SIX4: variants seen among roughly 807,000 people sequenced by gnomAD.
SIX4 encodes homeobox protein SIX4.
A neutral mutation model predicts 51.5 loss-of-function variants in SIX4; 23 were observed. That is an observed-to-expected ratio of 0.45 (90% CI 0.32 to 0.63). The LOEUF is 0.63. SIX4 is among the 30% of genes least tolerant of loss of function. The probability of loss-of-function intolerance (pLI) is 0.04; values close to 1 mark genes in which losing one functional copy is unlikely to be tolerated. For synonymous variants in SIX4, 413 were observed against 417.3 expected (o/e 0.99, Z 0.13); for missense variants, 867 against 984.0 (o/e 0.88, Z 1.59).
chr14:60,723,478 G>A lies in SIX4; in HGVS notation c.597C>T (p.Gly199=). Residue 199 remains glycine, a synonymous_variant, in exon 1 of 3, where the codon GGC becomes GGT. Coordinates refer to ENST00000216513, the MANE Select transcript of SIX4 (RefSeq NM_017420.5). ...ARYTEAERAR[G]RPLGAVDKYR... The stretch of plus-strand genomic sequence containing the variant: ...ACTTGTCTACGGCTCCCAGCGGCCG[G>A]CCGCGGGCTCGCTCGGCCTCGGTGT... The A allele has an allele frequency of 6.2e-7, 1 of 1,607,024 alleles. No individual in the cohort carries two copies. Among genetic ancestry groups the A allele is most frequent in the South Asian group, 1.1e-5 (1 of 90,990 alleles).
Position 60,714,042 on chromosome 14 carries a change from C to T in SIX4, c.1711G>A (p.Gly571Ser). ...GQTIGSVKQE[G>S]LERSLVFSQL... ...GAAAATACCAGGCTCCTTTCCAAGC[C>T]TTCCTGTTTCACAGATCCTATAGTC... is the stretch of plus-strand genomic sequence containing the variant. Residue 571 changes from glycine (G) to serine (S), a missense_variant, in exon 3 of 3, where the codon GGC becomes AGC. By Grantham distance (56) the Gly-to-Ser change is moderately conservative. Coordinates refer to ENST00000216513, the MANE Select transcript of SIX4 (RefSeq NM_017420.5). 6.2e-7 allele frequency: 1 copy of T among 1,614,114 alleles called. No homozygotes were observed. Among genetic ancestry groups the T allele is most frequent in the Non-Finnish European group, 8.5e-7 (1 of 1,180,028 alleles).
At chr14:60,715,722 ACT>A (rs765129979) in intron 2 of SIX4, among the ~76,000 whole-genome samples, 31 of 151,564 alleles carry the variant, frequency 2.0e-4, no homozygotes, top group Non-Finnish European at 2.7e-4. Context: ...ATCAAATAAC[ACT>A]CTTTTGTTCC....
rs1422283986 is a variant in SIX4 at position 60,711,081 on chromosome 14, T to G, written c.*2326A>C. On this transcript the variant is annotated 3_prime_UTR_variant, in exon 3 of 3. Coordinates refer to ENST00000216513, the MANE Select transcript of SIX4 (RefSeq NM_017420.5). Reference sequence around the variant, plus strand: ...CTCTTGTTGGATGGGTATTTGAAAATAACAAACTCTTGATATCTGCAGCAA... The same window carrying G: ...CTCTTGTTGGATGGGTATTTGAAAAGAACAAACTCTTGATATCTGCAGCAA... The G allele has an allele frequency of 2.0e-5, 3 of 151,728 alleles. No homozygotes were observed. The highest frequency in any genetic ancestry group is 4.4e-5 in the Non-Finnish European group (3 of 67,880). 9.4% of individuals were successfully genotyped at this position (151,728 alleles called of 1,614,324 possible). A position where few individuals can be genotyped will look rare whatever the true frequency, so the allele number is the denominator to read the frequency against.
chr14:60,723,977 C>T lies in SIX4; in HGVS notation c.98G>A (p.Arg33Gln), dbSNP rs370632624. 28 of 1,512,628 alleles carry T rather than the reference C, an allele frequency of 1.9e-5. No individual in the cohort carries two copies. In the African/African-American group the frequency reaches 3.1e-4, roughly 17 times the overall value. 93.7% of individuals were successfully genotyped at this position (1,512,628 alleles called of 1,614,324 possible). A position where few individuals can be genotyped will look rare whatever the true frequency, so the allele number is the denominator to read the frequency against. ...TACCGCCGCGCCCCCCGCCACTTCT[C>T]GGTGCGCCTCCTGCCCTTCCGAGGC... Reference protein sequence around the residue: ...ESASEGQEAHREVAGGAAVGL... With the variant: ...ESASEGQEAHQEVAGGAAVGL... The change falls in exon 1 of 3, where the codon CGA becomes CAA. Residue 33 changes from arginine (R) to glutamine (Q), a missense_variant. Transcript: ENST00000216513.
At chr14:60,721,703 C>T (rs1419319934) in intron 1 of SIX4, among the ~76,000 whole-genome samples, 1 of 152,194 alleles carries the variant, frequency 6.6e-6, no homozygotes, top group African/African-American at 2.4e-5. Flanking sequence ...GCCCGGCTCG[C>T]GAGCGGAGGC....
intron 2 of SIX4, among the ~76,000 whole-genome samples, chr14:60,718,747 C>G (rs966169992): frequency 4.6e-5 from 7 of 152,130 alleles, no homozygotes; most frequent in Non-Finnish European, 8.8e-5. Flanking sequence ...AACAATTTTT[C>G]CATTAATTCC....
In SIX4 at chr14:60,711,011, T is replaced by TTTTATA. The variant is rs1555369321; in HGVS notation, c.*2395_*2396insTATAAA. 4 of 146,484 alleles carry TTTTATA rather than the reference T, an allele frequency of 2.7e-5. No individual in the cohort carries two copies. Among genetic ancestry groups the TTTTATA allele is most frequent in the Admixed American group, 1.4e-4 (2 of 14,604 alleles). The allele number at this position is 146,484 out of a possible 1,614,324, so 9.1% of individuals were successfully genotyped here. A position where few individuals can be genotyped will look rare whatever the true frequency, so the allele number is the denominator to read the frequency against. On this transcript the variant is annotated 3_prime_UTR_variant, in exon 3 of 3. Transcript: ENST00000216513. ...CGGAAAACATATAAAACATTTCCAGTTATATATATATATATAGCATATATA... is the reference window on the plus strand; with the variant it reads ...CGGAAAACATATAAAACATTTCCAGTTTTATATATATATATATATATAGCATATATA...
chr14:60,711,823 C>G lies in SIX4; in HGVS notation c.*1584G>C, dbSNP rs1895827254. 6.6e-6 allele frequency: 1 copy of G among 150,886 alleles called. No individual in the cohort carries two copies. 9.3% of individuals were successfully genotyped at this position (150,886 alleles called of 1,614,324 possible). On this transcript the variant is annotated 3_prime_UTR_variant, in exon 3 of 3. Coordinates refer to ENST00000216513, the MANE Select transcript of SIX4 (RefSeq NM_017420.5). ...AAGCAAGATGTGCTAACATCTAACACCTTTATGTTCAACAACTTGAAGTTA... is the reference window on the plus strand; with the variant it reads ...AAGCAAGATGTGCTAACATCTAACAGCTTTATGTTCAACAACTTGAAGTTA...
chr14:60,710,659 G>C lies in SIX4; in HGVS notation c.*2748C>G, dbSNP rs771613285. On this transcript the variant is annotated 3_prime_UTR_variant, in exon 3 of 3. Coordinates refer to ENST00000216513, the MANE Select transcript of SIX4 (RefSeq NM_017420.5). ...CATGACTCCAAGGGTTCTGAGTCTG[G>C]CCCTTGGTATGGCAAAAGACATTTG... The C allele has an allele frequency of 6.6e-6, 1 of 152,548 alleles. No individual in the cohort carries two copies. Among genetic ancestry groups the C allele is most frequent in the Non-Finnish European group, 1.5e-5 (1 of 68,032 alleles). The allele number at this position is 152,548 out of a possible 1,614,324, so 9.4% of individuals were successfully genotyped here.
Position 60,721,179 on chromosome 14 carries a change from G to A in SIX4, c.864-734C>T, listed in dbSNP as rs182769362. ...TGGGAGGGAAAGGGTGTCACTCAGA[G>A]GCCTTCTAACTATTAGACCTCTTCC... is the stretch of plus-strand genomic sequence containing the variant. On this transcript the variant is annotated intron_variant, in intron 1 of 2. Coordinates refer to ENST00000216513, the MANE Select transcript of SIX4 (RefSeq NM_017420.5). 4.9e-4 allele frequency: 483 copies of A among 985,104 alleles called. 3 individuals carry two copies. The highest frequency in any genetic ancestry group is 5.2e-4 in the Non-Finnish European group (432 of 829,692). The allele number at this position is 985,104 out of a possible 1,614,324, so 61.0% of individuals were successfully genotyped here. A position where few individuals can be genotyped will look rare whatever the true frequency, so the allele number is the denominator to read the frequency against.
chr14:60,713,810 G>A lies in SIX4; in HGVS notation c.1943C>T (p.Ala648Val). The A allele has an allele frequency of 6.2e-7, 1 of 1,614,146 alleles. No individual in the cohort carries two copies. The highest frequency in any genetic ancestry group is 1.1e-5 in the South Asian group (1 of 91,066). ...GACAGATGTCACAGTAGATTTGCTT[G>A]CCACCGGTGCAGACATTGGTTGGCT... ...ADSQPMSAPV[A>V]SKSTVTSVSN... The change falls in exon 3 of 3, where the codon GCA becomes GTA. Residue 648 changes from alanine (A) to valine (V), a missense_variant. By Grantham distance (64) the Ala-to-Val change is moderately conservative. Transcript: ENST00000216513.
In SIX4 at chr14:60,719,967, T is replaced by C. The variant is rs1355996270; in HGVS notation, c.1342A>G (p.Ile448Val). ...TCTCTTTTCACCTCAGTGCTGGGTA[T>C]CAGGCCTGGGAATGAGACAGGGACA... is the stretch of plus-strand genomic sequence containing the variant. ...PSVPVSFPGL[I>V]PSTEVKREGI... Residue 448 changes from isoleucine to valine, a missense_variant, in exon 2 of 3, where the codon ATA becomes GTA. Physicochemically the swap from Ile to Val is conservative, Grantham distance 29. Coordinates refer to ENST00000216513, the MANE Select transcript of SIX4 (RefSeq NM_017420.5). The surrounding 1 kb of genome is among the most constrained non-coding windows in gnomAD (Gnocchi z 4.9). 1.2e-6 allele frequency: 2 copies of C among 1,614,078 alleles called. No homozygotes were observed.
At position 60,713,329 on chromosome 14, in the gene SIX4, G is replaced by C. The variant is rs1017174891; in HGVS notation, c.*78C>G. 1 of 1,462,056 alleles carries C rather than the reference G, an allele frequency of 6.8e-7. No homozygotes were observed. Among genetic ancestry groups the C allele is most frequent in the African/African-American group, 1.4e-5 (1 of 70,610 alleles). The allele number at this position is 1,462,056 out of a possible 1,614,324, so 90.6% of individuals were successfully genotyped here. On this transcript the variant is annotated 3_prime_UTR_variant, in exon 3 of 3. Transcript: ENST00000216513. ...AAACTAGAGTGTTTTCCTTTAAATG[G>C]GAAAATGTTTTGTGTCCTTGGGGCT...
Position 60,722,369 on chromosome 14 carries a change from C to T in SIX4, c.863+843G>A, listed in dbSNP as rs1328180795. On this transcript the variant is annotated intron_variant, in intron 1 of 2. Coordinates refer to ENST00000216513, the MANE Select transcript of SIX4 (RefSeq NM_017420.5). This position sits in a 1 kb window ranked among gnomAD's most constrained non-coding sequence, Gnocchi z 5.9. ...GCGCCCCCACTCCTTTGCTGCCGCCCGCCGTAAGCCGGCCTGCCCCCCACC... is the reference window on the plus strand; with the variant it reads ...GCGCCCCCACTCCTTTGCTGCCGCCTGCCGTAAGCCGGCCTGCCCCCCACC... Among the ~76,000 whole-genome samples the T allele has an allele frequency of 6.6e-6, 1 of 152,094 alleles. No homozygotes were observed. Among genetic ancestry groups the T allele is most frequent in the Non-Finnish European group, 1.5e-5 (1 of 68,000 alleles).
In SIX4 at chr14:60,709,821, G is replaced by A. The variant is rs1387243542; in HGVS notation, c.*3586C>T. The A allele has an allele frequency of 1.3e-5, 2 of 152,548 alleles. No individual in the cohort carries two copies. Among genetic ancestry groups the A allele is most frequent in the Non-Finnish European group, 2.9e-5 (2 of 68,022 alleles). 9.4% of individuals were successfully genotyped at this position (152,548 alleles called of 1,614,324 possible). A position where few individuals can be genotyped will look rare whatever the true frequency, so the allele number is the denominator to read the frequency against. On this transcript the variant is annotated 3_prime_UTR_variant, in exon 3 of 3. Transcript: ENST00000216513. The surrounding 1 kb of genome is among the most constrained non-coding windows in gnomAD (Gnocchi z 4.1). ...GTAAGGCACAGTAAAACCATATTGAGTATATAATTGGTTGCCTCTAAACAT... is the reference window on the plus strand; with the variant it reads ...GTAAGGCACAGTAAAACCATATTGAATATATAATTGGTTGCCTCTAAACAT...
Position 60,723,396 on chromosome 14 carries a change from C to G in SIX4, c.679G>C (p.Val227Leu). The change falls in exon 1 of 3, where the codon GTG becomes CTG. Residue 227 changes from valine (V) to leucine (L), a missense_variant. Coordinates refer to ENST00000216513, the MANE Select transcript of SIX4 (RefSeq NM_017420.5). Reference protein sequence around the residue: ...PRTIWDGEETVYCFKEKSRNA... With the variant: ...PRTIWDGEETLYCFKEKSRNA... The stretch of plus-strand genomic sequence containing the variant: ...CGCGACTTCTCCTTGAAACAATACA[C>G]CGTCTCCTCGCCGTCCCAGATGGTG... The G allele has an allele frequency of 6.2e-7, 1 of 1,611,848 alleles. No individual in the cohort carries two copies. The highest frequency in any genetic ancestry group is 1.6e-4 in the Middle Eastern group (1 of 6,062).
In SIX4 at chr14:60,722,838, C is replaced by A. The variant is rs1046711796; in HGVS notation, c.863+374G>T. On this transcript the variant is annotated intron_variant, in intron 1 of 2. Coordinates refer to ENST00000216513, the MANE Select transcript of SIX4 (RefSeq NM_017420.5). The surrounding 1 kb of genome is among the most constrained non-coding windows in gnomAD (Gnocchi z 5.9). ...TCGGGCGGCAGGGAGAGCTACGGTGCCGGTGTCCACATTTGCTTCGTTAGC... is the reference window on the plus strand; with the variant it reads ...TCGGGCGGCAGGGAGAGCTACGGTGACGGTGTCCACATTTGCTTCGTTAGC... Among the ~76,000 whole-genome samples the A allele has an allele frequency of 2.0e-5, 3 of 151,852 alleles. No individual in the cohort carries two copies. The East Asian group carries it at 5.9e-4, about 30-fold the overall frequency.
At chr14:60,716,079 T>C (rs1895915429) in intron 2 of SIX4, among the ~76,000 whole-genome samples, 1 of 151,830 alleles carries the variant, frequency 6.6e-6, no homozygotes, top group East Asian at 1.9e-4. Flanking sequence ...TTGGCCAGGC[T>C]GTTCTCGAAC....
chr14:60,720,398 T>A lies in SIX4; in HGVS notation c.911A>T (p.His304Leu), dbSNP rs756941561. Residue 304 changes from histidine (H) to leucine (L), a missense_variant, in exon 2 of 3, where the codon CAT (histidine) becomes CTT (leucine). By Grantham distance (99) the His-to-Leu change is moderately conservative. Coordinates refer to ENST00000216513, the MANE Select transcript of SIX4 (RefSeq NM_017420.5). This position sits in a 1 kb window ranked among gnomAD's most constrained non-coding sequence, Gnocchi z 5.5. ...GAGTGGGTGAGGAGATAAATCCTCATGTCCCTTGCTGGATTCATCTTCAGT... is the reference window on the plus strand; with the variant it reads ...GAGTGGGTGAGGAGATAAATCCTCAAGTCCCTTGCTGGATTCATCTTCAGT... ...PSTEDESSKG[H>L]EDLSPHPLSS... The A allele has an allele frequency of 1.1e-5, 18 of 1,614,012 alleles. No individual in the cohort carries two copies. The highest frequency in any genetic ancestry group is 1.5e-5 in the Non-Finnish European group (18 of 1,180,016).
Sources: gnomAD v4.1 joint callset for allele counts (sites outside exome capture counted in the v4.1 genomes callset) on GRCh38, gnomAD v4.1.1 for gene constraint, Gnocchi (gnomAD v3.1) non-coding constraint, MANE v1.5 for transcripts, NCBI Gene and HGNC (gene_info 2026-07-23, HGNC 2026-07-21) for gene names.